The following MGA variants were observed in gnomAD, a reference collection of about 807,000 sequenced individuals.
The protein encoded by MGA is MAX dimerization protein MGA.
Under a neutral mutation model 261.1 loss-of-function variants are expected in MGA, and 40 were observed. The ratio of observed to expected loss-of-function variants is 0.15; its 90% CI spans 0.12 to 0.20. The LOEUF (loss-of-function observed/expected upper bound fraction) is 0.20, where lower values mean the gene tolerates loss of function less well. Among genes scored for constraint, MGA ranks in the 10% least tolerant of loss-of-function variants. The pLI, the probability that MGA is intolerant of heterozygous loss-of-function variation, is 1.00. For synonymous variants in MGA, 1,302 were observed against 1,290.6 expected (o/e 1.01, Z -0.19); for missense variants, 3,397 against 3,630.5 (o/e 0.94, Z 1.65).
chr15:41,630,170 C>T (rs1019866718), intron 1 of MGA, among the ~76,000 whole-genome samples: 3 of 152,094 alleles, frequency 2.0e-5, no homozygotes, highest in Middle Eastern at 3.2e-3. Flanking sequence ...TTTATAACCC[C>T]CTTTTGGCCT....
intron 9 of MGA, among the ~76,000 whole-genome samples, chr15:41,722,905 A>C (rs900515434): frequency 1.3e-5 from 2 of 152,216 alleles, no homozygotes; most frequent in African/African-American, 4.8e-5. Context: ...TATGTGGTGA[A>C]AAGATACATA....
chr15:41,677,179 G>A (rs1331583375), intron 2 of MGA, among the ~76,000 whole-genome samples: 4 of 151,946 alleles, frequency 2.6e-5, no homozygotes, highest in Admixed American at 2.6e-4. Flanking sequence ...TCGCTCTGTC[G>A]CCCCCAGGCA....
intron 1 of MGA, among the ~76,000 whole-genome samples, chr15:41,667,996 G>C (rs1310270983): frequency 6.6e-6 from 1 of 151,674 alleles, no homozygotes; most frequent in Non-Finnish European, 1.5e-5. Context: ...TAGAGATGGG[G>C]TTTCGCCATG....
intron 5 of MGA, among the ~76,000 whole-genome samples, chr15:41,707,486 C>T (rs1320364145): frequency 6.6e-6 from 1 of 152,174 alleles, no homozygotes; most frequent in Non-Finnish European, 1.5e-5. Flanking sequence ...ACAGGCCCTG[C>T]CTACCATAGT....
chr15:41,656,318 T>G (rs760734242), upstream of MGA, among the ~76,000 whole-genome samples: 18 of 133,632 alleles, frequency 1.3e-4, no homozygotes, highest in Non-Finnish European at 2.8e-4. Context: ...GGAATGGTGT[T>G]TCTTTCTCTC....
chr15:41,753,046 T>C (rs1386118610), intron 17 of MGA, among the ~76,000 whole-genome samples: 1 of 152,222 alleles, frequency 6.6e-6, no homozygotes, highest in Non-Finnish European at 1.5e-5. Flanking sequence ...TGGAATACTG[T>C]GAGGGAAGTT....
rs762687296 is a variant in MGA at position 41,749,543 on chromosome 15, A to G, written c.5936A>G (p.Asp1979Gly). 5.6e-6 allele frequency: 9 copies of G among 1,613,860 alleles called. No individual in the cohort carries two copies. Among genetic ancestry groups the G allele is most frequent in the Admixed American group, 1.7e-5 (1 of 59,996 alleles). ...GAATCTCAGAATCCAGACCAGAAAG[A>G]TGAAACAAACTCAATAAAAAGAGAG... Residue 1979 changes from aspartate to glycine, a missense_variant, in exon 17 of 24, where the codon GAT becomes GGT. Asp to Gly is a moderately conservative substitution (Grantham distance 94). Coordinates refer to ENST00000219905, the MANE Select transcript of MGA (RefSeq NM_001164273.2).
At chr15:41,668,804 G>T (rs1184740346) in intron 1 of MGA, 24 bp from the exon 2 acceptor site, 3 of 984,484 alleles carry the variant, frequency 3.0e-6, no homozygotes, top group African/African-American at 1.6e-5. Context: ...TTTTGTTTTT[G>T]GTTTTTTTTT....
At chr15:41,717,072 T>C (rs914111815) in intron 9 of MGA, among the ~76,000 whole-genome samples, 1 of 152,200 alleles carries the variant, frequency 6.6e-6, no homozygotes, top group Non-Finnish European at 1.5e-5. Flanking sequence ...AATTGAGTGC[T>C]TAGTGACTTG....
chr15:41,738,066 T>C (rs1397868311), intron 13 of MGA, among the ~76,000 whole-genome samples: 1 of 152,116 alleles, frequency 6.6e-6, no homozygotes, highest in African/African-American at 2.4e-5. Context: ...TTTCATTAGA[T>C]TGGCTGCTTC....
chr15:41,689,162 A>C (rs2059126246), intron 2 of MGA, among the ~76,000 whole-genome samples: 1 of 152,100 alleles, frequency 6.6e-6, no homozygotes, highest in South Asian at 2.1e-4. Context: ...CTGCTAATGC[A>C]CTTATATTTG....
At chr15:41,763,260 C>A (rs992559614) in intron 22 of MGA, among the ~76,000 whole-genome samples, 2 of 151,214 alleles carry the variant, frequency 1.3e-5, no homozygotes, top group African/African-American at 4.9e-5. Context: ...CCACTACACC[C>A]GGCTAATTTT....
chr15:41,622,046 T>TG (rs1230357836), intron 1 of MGA, among the ~76,000 whole-genome samples: 22 of 41,806 alleles, frequency 5.3e-4, no homozygotes, highest in South Asian at 1.7e-3. Flanking sequence ...AGGGGGAGGG[T>TG]GGGGGGCGTG....
intron 2 of MGA, among the ~76,000 whole-genome samples, chr15:41,670,227 G>A (rs1406997951): frequency 6.6e-6 from 1 of 151,938 alleles, no homozygotes; most frequent in Admixed American, 6.6e-5. Flanking sequence ...ATATCCTTGG[G>A]GGATTGGTTC....
At chr15:41,751,923 C>T (rs2062856926) in intron 17 of MGA, 1 of 152,182 alleles carries the variant, frequency 6.6e-6, no homozygotes, top group African/African-American at 2.4e-5. Flanking sequence ...AATCTCACTT[C>T]CTTGAGATTC....
At chr15:41,691,502 T>C in intron 2 of MGA, 1 of 322,908 alleles carries the variant, frequency 3.1e-6, no homozygotes, top group Non-Finnish European at 6.7e-6. Flanking sequence ...CTTTTTCCTC[T>C]ACAATCTGGA....
chr15:41,690,317 AT>A (rs1007960796), intron 2 of MGA, among the ~76,000 whole-genome samples: 3 of 152,100 alleles, frequency 2.0e-5, no homozygotes, highest in African/African-American at 7.2e-5. Context: ...ACATTACCAC[AT>A]TTTTTTTATT....
At chr15:41,646,657 C>T (rs920367131) in intron 1 of MGA, among the ~76,000 whole-genome samples, 1 of 151,764 alleles carries the variant, frequency 6.6e-6, no homozygotes, top group African/African-American at 2.4e-5. Flanking sequence ...TTGCAGTGAG[C>T]CAAGATCATG....
chr15:41,710,047 G>A (rs1404825527), intron 7 of MGA, among the ~76,000 whole-genome samples: 3 of 151,936 alleles, frequency 2.0e-5, no homozygotes, highest in African/African-American at 7.3e-5. Flanking sequence ...GGCTGGTCTC[G>A]AACTCCCGAC....
Sources: gnomAD v4.1 joint callset for allele counts (sites outside exome capture counted in the v4.1 genomes callset) on GRCh38, gnomAD v4.1.1 for gene constraint, MANE v1.5 for transcripts, NCBI Gene and HGNC (gene_info 2026-07-23, HGNC 2026-07-21) for gene names.